PUDP: variants seen among roughly 807,000 people sequenced by gnomAD.
PUDP encodes pseudouridine 5'-phosphatase.
Under a neutral mutation model 9.4 loss-of-function variants are expected in PUDP, and 8 were observed. The observed-to-expected ratio is 0.85, with a 90% CI of 0.50 to 1.53. The LOEUF is 1.53. Among genes scored for constraint, PUDP ranks in the 40% most tolerant of loss-of-function variants. PUDP has a pLI of 0.00. For synonymous variants in PUDP, 99 were observed against 80.7 expected (o/e 1.23, Z -1.22); for missense variants, 188 against 189.7 (o/e 0.99, Z 0.05).
intron 3 of PUDP, among the ~76,000 whole-genome samples, chrX:6,852,616 C>A (rs116798799): frequency 1.1e-5 from 1 of 93,999 alleles, no homozygotes; most frequent in Non-Finnish European, 2.2e-5. Flanking sequence ...ATTAAGCTCA[C>A]GTCATTTTAT....
At chrX:6,867,446 C>T (rs183658667) in intron 3 of PUDP, among the ~76,000 whole-genome samples, 9 of 109,448 alleles carry the variant, frequency 8.2e-5, no homozygotes, top group Admixed American at 2.9e-4. Flanking sequence ...ATGATGATGG[C>T]AGTGATAGTA....
At chrX:7,133,667 G>T (rs1190144676) in intron 1 of PUDP, among the ~76,000 whole-genome samples, 1 of 111,675 alleles carries the variant, frequency 9.0e-6, no homozygotes, top group East Asian at 2.8e-4. Context: ...AAGACACTTG[G>T]CTGAGAAGAG....
intron 3 of PUDP, among the ~76,000 whole-genome samples, chrX:6,742,858 C>T (rs139275811): frequency 3.6e-5 from 4 of 112,474 alleles, no homozygotes; most frequent in Non-Finnish European, 7.5e-5. Context: ...GAACCAGGTA[C>T]AGTTATTTTT....
chrX:7,114,236 G>C (rs955579251), intron 1 of PUDP, among the ~76,000 whole-genome samples: 2 of 110,817 alleles, frequency 1.8e-5, no homozygotes, highest in African/African-American at 6.6e-5. Flanking sequence ...CACCATGCCT[G>C]GCTAATTTTT....
intron 2 of PUDP, among the ~76,000 whole-genome samples, chrX:7,100,008 G>A (rs1602782495): frequency 9.5e-6 from 1 of 104,768 alleles, no homozygotes; most frequent in African/African-American, 3.5e-5. Context: ...ACACCCATCC[G>A]TCCCCCACCT....
intron 3 of PUDP, among the ~76,000 whole-genome samples, chrX:6,907,356 C>T (rs962125263): frequency 2.7e-5 from 3 of 111,459 alleles, no homozygotes; most frequent in African/African-American, 6.5e-5. Context: ...TACAAATTAC[C>T]GAATCTCAGG....
At chrX:6,709,187 C>A (rs1478274553) in intron 1 of PUDP, among the ~76,000 whole-genome samples, 2 of 111,914 alleles carry the variant, frequency 1.8e-5, no homozygotes, top group Non-Finnish European at 3.8e-5. Context: ...GATTGCATTG[C>A]CTGTGAAATA....
chrX:7,057,754 G>T (rs749628615), intron 3 of PUDP: 35 of 1,151,964 alleles, frequency 3.0e-5, no homozygotes, highest in Non-Finnish European at 3.8e-5. Context: ...AGAAGGAGGA[G>T]CGCTGAGAAG....
intron 1 of PUDP, among the ~76,000 whole-genome samples, chrX:7,039,870 A>G (rs1929898989): frequency 8.9e-6 from 1 of 112,168 alleles, no homozygotes; most frequent in Non-Finnish European, 1.9e-5. Context: ...GGGGCATAAT[A>G]TTGACATTCT....
intron 3 of PUDP, among the ~76,000 whole-genome samples, chrX:6,962,831 T>C (rs2146788748): frequency 8.9e-6 from 1 of 112,873 alleles, no homozygotes; most frequent in South Asian, 3.6e-4. Flanking sequence ...ACATCTCTCT[T>C]AATTCTAACA....
chrX:6,807,280 AC>A (rs1377068673), intron 3 of PUDP, among the ~76,000 whole-genome samples: 1 of 111,867 alleles, frequency 8.9e-6, no homozygotes, highest in African/African-American at 3.3e-5. Context: ...ATATCCAGGG[AC>A]CTGCACAGAT....
chrX:6,840,309 AC>A (rs1198938452), intron 3 of PUDP, among the ~76,000 whole-genome samples: 2 of 112,075 alleles, frequency 1.8e-5, no homozygotes, highest in Non-Finnish European at 3.8e-5. Context: ...TTTATAAATT[AC>A]CCAGTCTCTG....
intron 3 of PUDP, among the ~76,000 whole-genome samples, chrX:6,755,408 T>C (rs765492968): frequency 8.9e-6 from 1 of 111,829 alleles, no homozygotes; most frequent in South Asian, 3.8e-4. Flanking sequence ...ACTGAATGTC[T>C]ATATTTCAGA....
At chrX:6,947,750 C>T (rs756078191) in intron 3 of PUDP, among the ~76,000 whole-genome samples, 3 of 108,046 alleles carry the variant, frequency 2.8e-5, no homozygotes, top group Non-Finnish European at 5.7e-5. Context: ...TGTGATCACA[C>T]CAGACGTAGT....
At chrX:6,816,991 A>AT (rs1218264318) in intron 3 of PUDP, among the ~76,000 whole-genome samples, 7 of 97,253 alleles carry the variant, frequency 7.2e-5, no homozygotes, top group Non-Finnish European at 5.9e-5. Context: ...TATATACTAT[A>AT]TAGTATATAT....
intron 1 of PUDP, among the ~76,000 whole-genome samples, chrX:7,111,429 C>T (rs1042582057): frequency 3.1e-5 from 3 of 95,816 alleles, no homozygotes; most frequent in Admixed American, 1.3e-4. Flanking sequence ...GTCTAACATA[C>T]GATGTTTATT....
chrX:6,993,243 A>G (rs982359621), intron 1 of PUDP, among the ~76,000 whole-genome samples: 5 of 111,685 alleles, frequency 4.5e-5, no homozygotes, highest in Non-Finnish European at 7.5e-5. Flanking sequence ...ACCCTGAGTA[A>G]TACACCTGGG....
At chrX:6,728,064 G>A (rs7878294) in intron 3 of PUDP, among the ~76,000 whole-genome samples, 15,691 of 110,966 alleles carry the variant, frequency 0.14, 1,026 homozygotes, top group Non-Finnish European at 0.2. Flanking sequence ...GTTCCACCTG[G>A]CTGGGGAGGC....
chrX:6,907,483 G>A (rs913000874), intron 3 of PUDP, among the ~76,000 whole-genome samples: 5 of 111,650 alleles, frequency 4.5e-5, no homozygotes, highest in Admixed American at 9.5e-5. Context: ...CCCTTACCCT[G>A]TTTTATCTTC....
Sources: allele counts gnomAD v4.1 joint callset (sites outside exome capture counted in the v4.1 genomes callset), GRCh38; gene constraint gnomAD v4.1.1; transcripts MANE v1.5; gene names NCBI Gene and HGNC (gene_info 2026-07-23, HGNC 2026-07-21).